SHROOM4: variants seen among roughly 807,000 people sequenced by gnomAD.
SHROOM4 encodes shroom family member 4.
Under a neutral mutation model 80.3 loss-of-function variants are expected in SHROOM4, and 17 were observed. The observed-to-expected ratio is 0.21, with a 90% CI of 0.14 to 0.32. The LOEUF is 0.32. SHROOM4 is among the 10% of genes least tolerant of loss of function. SHROOM4 has a pLI of 1.00. For synonymous variants in SHROOM4, 400 were observed against 437.5 expected, an observed-to-expected ratio of 0.91 and a Z score of 1.07; for missense variants, 993 against 1,140.3, an observed-to-expected ratio of 0.87 and a Z score of 1.86.
intron 1 of SHROOM4, among the ~76,000 whole-genome samples, chrX:50,723,182 C>T (rs781992333): frequency 1.6e-4 from 16 of 102,397 alleles, no homozygotes; most frequent in Non-Finnish European, 2.8e-4. Flanking sequence ...ACCTGTTCTG[C>T]TAATCTTTTT....
intron 2 of SHROOM4, among the ~76,000 whole-genome samples, chrX:50,642,905 G>T (rs1184221962): frequency 9.0e-6 from 1 of 111,576 alleles, no homozygotes; most frequent in Non-Finnish European, 1.9e-5. Flanking sequence ...GATACCACAC[G>T]ACCCCTCCTC....
At chrX:50,754,287 A>C (rs1188024444) in intron 1 of SHROOM4, among the ~76,000 whole-genome samples, 2 of 111,610 alleles carry the variant, frequency 1.8e-5, no homozygotes, top group African/African-American at 6.5e-5. Flanking sequence ...CAAAGAATTC[A>C]TTCTCCCATT....
intron 1 of SHROOM4, among the ~76,000 whole-genome samples, chrX:50,705,355 G>T (rs1015498831): frequency 2.7e-5 from 3 of 111,713 alleles, no homozygotes; most frequent in Non-Finnish European, 5.6e-5. Context: ...GCAATGACAG[G>T]ATTAAGTTGA....
At chrX:50,642,605 G>A (rs1931643960) in intron 2 of SHROOM4, among the ~76,000 whole-genome samples, 1 of 111,296 alleles carries the variant, frequency 9.0e-6, no homozygotes, top group Admixed American at 9.5e-5. Flanking sequence ...ACAGGCTACA[G>A]GTGCATGCTA....
At chrX:50,651,906 A>G (rs1557258894) in intron 2 of SHROOM4, among the ~76,000 whole-genome samples, 1 of 111,732 alleles carries the variant, frequency 8.9e-6, no homozygotes, top group Non-Finnish European at 1.9e-5. Context: ...TGCAAAGGAC[A>G]TGAACTCATC....
intron 1 of SHROOM4, among the ~76,000 whole-genome samples, chrX:50,725,751 C>T (rs1934229415): frequency 8.9e-6 from 1 of 112,621 alleles, no homozygotes; most frequent in South Asian, 3.7e-4. Context: ...AACCTTTCTT[C>T]TTCATAAATT....
Position 50,633,760 on chromosome X carries a change from T to C in SHROOM4, c.2313A>G (p.Ala771=), listed in dbSNP as rs1557254870. 2 of 1,210,882 alleles carry C rather than the reference T, an allele frequency of 1.7e-6. No individual in the cohort carries two copies. The highest frequency in any genetic ancestry group is 1.1e-6 in the Non-Finnish European group (1 of 895,432). Residue 771 remains alanine (A), a synonymous_variant, in exon 4 of 9, where the codon GCA becomes GCG. Transcript: ENST00000376020. ...AGEDAILLPF[A]DRRKFFEESS... ...TCTCTTCAAAGAACTTTCTTCTGTCTGCAAAAGGCAAGAGGATGGCATCCT... is the reference window on the plus strand; with the variant it reads ...TCTCTTCAAAGAACTTTCTTCTGTCCGCAAAAGGCAAGAGGATGGCATCCT...
At chrX:50,768,481 G>A (rs1182992659) in intron 1 of SHROOM4, among the ~76,000 whole-genome samples, 1 of 111,834 alleles carries the variant, frequency 8.9e-6, no homozygotes, top group African/African-American at 3.2e-5. Flanking sequence ...CTATTCCCTG[G>A]ATGGGGCTAA....
chrX:50,759,051 T>G (rs1420681305), intron 1 of SHROOM4, among the ~76,000 whole-genome samples: 2 of 111,837 alleles, frequency 1.8e-5, no homozygotes, highest in Non-Finnish European at 3.8e-5. Context: ...CTTCTCTTTG[T>G]CAATATATTT....
chrX:50,712,163 T>C (rs1203083431), intron 1 of SHROOM4, among the ~76,000 whole-genome samples: 1 of 112,274 alleles, frequency 8.9e-6, no homozygotes, highest in Middle Eastern at 4.6e-3. Context: ...ATGGAAATTC[T>C]TTTGTGTCAG....
At chrX:50,745,732 CCT>C (rs1421943064) in intron 1 of SHROOM4, among the ~76,000 whole-genome samples, 2 of 110,842 alleles carry the variant, frequency 1.8e-5, no homozygotes, top group Non-Finnish European at 3.8e-5. Context: ...AAAGAGACCC[CCT>C]GTTTTCTCGG....
chrX:50,665,470 A>ATT (rs1932661404), intron 2 of SHROOM4, among the ~76,000 whole-genome samples: 1 of 111,082 alleles, frequency 9.0e-6, no homozygotes, highest in South Asian at 3.8e-4. Flanking sequence ...TTAAACTCAA[A>ATT]TAAGGATTTC....
chrX:50,768,212 T>C (rs1337933485), intron 1 of SHROOM4, among the ~76,000 whole-genome samples: 2 of 111,865 alleles, frequency 1.8e-5, no homozygotes, highest in Non-Finnish European at 3.8e-5. Context: ...AATATAAACA[T>C]ATTAGAGCCT....
chrX:50,665,482 G>A (rs1557260279), intron 2 of SHROOM4, among the ~76,000 whole-genome samples: 1 of 110,767 alleles, frequency 9.0e-6, no homozygotes, highest in African/African-American at 3.3e-5. Flanking sequence ...AAGGATTTCT[G>A]AAGAACCCAG....
intron 1 of SHROOM4, among the ~76,000 whole-genome samples, chrX:50,776,156 C>T (rs1287178538): frequency 1.8e-5 from 2 of 110,995 alleles, no homozygotes; most frequent in Non-Finnish European, 3.8e-5. Context: ...AACACTGGGG[C>T]GAGGGGCAGC....
chrX:50,715,948 A>G (rs1337141451), intron 1 of SHROOM4, among the ~76,000 whole-genome samples: 2 of 110,910 alleles, frequency 1.8e-5, no homozygotes, highest in Non-Finnish European at 3.8e-5. Flanking sequence ...AATAGCCAAG[A>G]TACTAAATGT....
intron 1 of SHROOM4, among the ~76,000 whole-genome samples, chrX:50,713,370 C>G (rs782597651): frequency 9.0e-6 from 1 of 111,649 alleles, no homozygotes; most frequent in Non-Finnish European, 1.9e-5. Context: ...GTAGCTCATG[C>G]CTGTAATCAC....
intron 5 of SHROOM4, among the ~76,000 whole-genome samples, chrX:50,616,443 T>C (rs1442427427): frequency 6.3e-5 from 7 of 111,716 alleles, no homozygotes; most frequent in African/African-American, 2.3e-4. Context: ...TTCTTGCATT[T>C]CAAAGCATAA....
At chrX:50,605,994 A>AT (rs1239301263) in intron 6 of SHROOM4, among the ~76,000 whole-genome samples, 77 of 111,999 alleles carry the variant, frequency 6.9e-4, no homozygotes, top group African/African-American at 2.3e-3. Flanking sequence ...TATTTTTCAC[A>AT]AAATGTTTTC....
Sources: gnomAD v4.1 joint callset for allele counts (sites outside exome capture counted in the v4.1 genomes callset) on GRCh38, gnomAD v4.1.1 for gene constraint, MANE v1.5 for transcripts, NCBI Gene and HGNC (gene_info 2026-07-23, HGNC 2026-07-21) for gene names.